OR52N4: variants seen among roughly 807,000 people sequenced by gnomAD.
OR52N4 encodes olfactory receptor 52N4.
OR52N4 carries 15 observed loss-of-function variants against 15.0 expected under a neutral mutation model. The ratio of observed to expected loss-of-function variants is 1.00; its 90% confidence interval spans 0.67 to 1.54. The LOEUF is 1.54. Ranked by LOEUF, OR52N4 falls within the 40% of genes most tolerant of loss-of-function variation. The probability of loss-of-function intolerance (pLI) is 0.00; values close to 1 mark genes in which losing one functional copy is unlikely to be tolerated. For missense variants in OR52N4, 421 were observed against 394.0 expected, an observed-to-expected ratio of 1.07 and a Z score of -0.58; for synonymous variants, 143 against 143.7, an observed-to-expected ratio of 1.00 and a Z score of 0.03.
At chr11:5,743,152 T>G in the OR52N4 span, among the ~76,000 whole-genome samples, 1 of 32,300 alleles carries the variant, frequency 3.1e-5, no homozygotes, top group Non-Finnish European at 7.4e-5. Flanking sequence ...AGAAAGACAT[T>G]GTGCAATGTT....
chr11:5,730,359 T>G, the OR52N4 span, among the ~76,000 whole-genome samples: 1 of 151,654 alleles, frequency 6.6e-6, no homozygotes, highest in Non-Finnish European at 1.5e-5. Context: ...GCCTGGCTAA[T>G]TTTTTGTATT....
the OR52N4 span, chr11:5,736,462 C>T: frequency 6.6e-7 from 1 of 1,519,496 alleles, no homozygotes; most frequent in East Asian, 2.3e-5. Flanking sequence ...GTGGTGGTTC[C>T]AACCTGTGAT....
At chr11:5,733,999 C>T in the OR52N4 span, among the ~76,000 whole-genome samples, 2 of 152,062 alleles carry the variant, frequency 1.3e-5, no homozygotes, top group African/African-American at 4.8e-5. Flanking sequence ...AGGAATTCAG[C>T]TTTCTCTATA....
At chr11:5,730,482 C>G in the OR52N4 span, among the ~76,000 whole-genome samples, 2 of 151,604 alleles carry the variant, frequency 1.3e-5, no homozygotes, top group Non-Finnish European at 2.9e-5. Flanking sequence ...TGAGCCACCA[C>G]GCCCGGCCAG....
the OR52N4 span, among the ~76,000 whole-genome samples, chr11:5,738,790 C>A: frequency 6.6e-6 from 1 of 151,768 alleles, no homozygotes; most frequent in Non-Finnish European, 1.5e-5. Context: ...TAGTCCTAAA[C>A]AATGAATGGG....
chr11:5,737,038 G>A, the OR52N4 span: 1 of 1,614,154 alleles, frequency 6.2e-7, no homozygotes, highest in Non-Finnish European at 8.5e-7. Flanking sequence ...TTGCAGCACA[G>A]CGTGATTATT....
At chr11:5,741,097 T>A in the OR52N4 span, among the ~76,000 whole-genome samples, 1 of 149,478 alleles carries the variant, frequency 6.7e-6, no homozygotes, top group South Asian at 2.2e-4. Flanking sequence ...AATAAAGGAG[T>A]TTATGCAGGA....
the OR52N4 span, among the ~76,000 whole-genome samples, chr11:5,747,853 T>A: frequency 3.9e-5 from 6 of 152,044 alleles, no homozygotes; most frequent in African/African-American, 1.2e-4. Context: ...TTAAATACAG[T>A]GTACTTACTA....
chr11:5,728,990 T>C, the OR52N4 span, among the ~76,000 whole-genome samples: 1 of 152,060 alleles, frequency 6.6e-6, no homozygotes, highest in East Asian at 1.9e-4. Context: ...GCTGCACCCA[T>C]TAACTCGTCC....
rs1024278539 is a variant in OR52N4, at chr11:5,755,203, G to T, written c.463G>T (p.Val155Leu). 5.6e-6 allele frequency: 9 copies of T among 1,613,768 alleles called. No homozygotes were observed. The highest frequency in any genetic ancestry group is 6.8e-6 in the Non-Finnish European group (8 of 1,179,930). Residue 155 changes from valine to leucine, a missense_variant, in exon 2 of 2, where the codon GTA becomes TTA. By Grantham distance (32) the Val-to-Leu change is conservative (BLOSUM62 1). Transcript: ENST00000641350. ...TGGGACTGCCACCTTCCTGAGAGGG[G>T]TATTACTCATTATTCCCTTTACTTT... ...KVGTATFLRGVLLIIPFTFLT... is the reference protein window; with the variant it reads ...KVGTATFLRGLLLIIPFTFLT...
the OR52N4 span, chr11:5,726,646 G>GGTTGTT: frequency 1.3e-5 from 2 of 152,428 alleles, no homozygotes; most frequent in Admixed American, 6.5e-5. Context: ...TAACTATTCT[G>GGTTGTT]GTTGTTGTTG....
chr11:5,736,748 G>T, the OR52N4 span: 8 of 1,613,862 alleles, frequency 5.0e-6, no homozygotes, highest in South Asian at 6.6e-5. Flanking sequence ...CCTCTGTATG[G>T]TAGACATGGG....
chr11:5,727,688 A>G, the OR52N4 span, among the ~76,000 whole-genome samples: 1 of 152,142 alleles, frequency 6.6e-6, no homozygotes, highest in Non-Finnish European at 1.5e-5. Flanking sequence ...ACGTGCAGAT[A>G]TTGAAAACAA....
the OR52N4 span, among the ~76,000 whole-genome samples, chr11:5,729,114 A>ATTTTTTTTT: frequency 2.8e-4 from 23 of 82,916 alleles, 1 homozygote; most frequent in Admixed American, 3.5e-4. Flanking sequence ...TTAAATTGAG[A>ATTTTTTTTT]TTTTTTTTTT....
In OR52N4 at chr11:5,755,146, A is replaced by C; in HGVS notation, c.406A>C (p.Thr136Pro). ...VAICYPLRYS[T>P]ILTNPVIAKV... ...CATCTGCTACCCCTTACGCTATTCA[A>C]CTATCCTCACCAATCCTGTAATTGC... Residue 136 changes from threonine to proline, a missense_variant, in exon 2 of 2, where the codon ACT (threonine) becomes CCT (proline). Coordinates refer to ENST00000641350, the MANE Select transcript of OR52N4 (RefSeq NM_001005175.5). 1 of 1,614,028 alleles carries C rather than the reference A, an allele frequency of 6.2e-7. No homozygotes were observed. Among genetic ancestry groups the C allele is most frequent in the Non-Finnish European group, 8.5e-7 (1 of 1,179,984 alleles).
At chr11:5,729,011 G>A in the OR52N4 span, among the ~76,000 whole-genome samples, 2 of 151,436 alleles carry the variant, frequency 1.3e-5, no homozygotes, top group African/African-American at 2.4e-5. Context: ...TTTACATTAG[G>A]TATATCTCCT....
the OR52N4 span, among the ~76,000 whole-genome samples, chr11:5,733,483 C>T: frequency 1.3e-5 from 2 of 152,132 alleles, no homozygotes; most frequent in East Asian, 1.9e-4. Context: ...AACAATTGCC[C>T]TCAGAACAAA....
the OR52N4 span, chr11:5,737,062 A>G: frequency 6.2e-7 from 1 of 1,614,122 alleles, no homozygotes; most frequent in South Asian, 1.1e-5. Context: ...CCAAGAATGA[A>G]ATTGAACACT....
the OR52N4 span, chr11:5,734,342 ATT>A: frequency 2.6e-6 from 1 of 380,842 alleles, no homozygotes; most frequent in East Asian, 8.0e-5. Context: ...AAAGATTGAC[ATT>A]TCTCTCTGTT....
Sources: gnomAD v4.1 joint callset for allele counts (sites outside exome capture counted in the v4.1 genomes callset) on GRCh38, gnomAD v4.1.1 for gene constraint, MANE v1.5 for transcripts, NCBI Gene and HGNC (gene_info 2026-07-23, HGNC 2026-07-21) for gene names.